WDR12: variants seen among roughly 807,000 people sequenced by gnomAD.
WDR12 encodes the protein WD repeat domain 12, also known as ribosome biogenesis protein WDR12.
Under a neutral mutation model 64.3 loss-of-function variants are expected in WDR12, and 42 were observed. That is an observed-to-expected ratio of 0.65 (90% CI 0.51 to 0.84). The LOEUF is 0.84. WDR12 is among the 40% of genes least tolerant of loss of function. The pLI is 0.00. For synonymous variants in WDR12, 158 were observed against 173.3 expected, an observed-to-expected ratio of 0.91 and a Z score of 0.70; for missense variants, 469 against 494.6, an observed-to-expected ratio of 0.95 and a Z score of 0.49.
chr2:202,905,257 T>C (rs1000927011), intron 2 of WDR12, among the ~76,000 whole-genome samples: 1 of 152,222 alleles, frequency 6.6e-6, no homozygotes, highest in Non-Finnish European at 1.5e-5. Flanking sequence ...GCAATTCTCC[T>C]GCTTCAGCCT....
At chr2:202,900,831 T>TAC (rs200925493) in intron 3 of WDR12, among the ~76,000 whole-genome samples, 194 bp downstream of exon 3, 2 of 148,548 alleles carry the variant, frequency 1.3e-5, no homozygotes, top group Non-Finnish European at 3.0e-5. Context: ...CATATATATA[T>TAC]ACACACACAC....
At chr2:202,895,470 A>G (rs1230800987) in intron 6 of WDR12, among the ~76,000 whole-genome samples, 1 of 150,788 alleles carries the variant, frequency 6.6e-6, no homozygotes, top group Non-Finnish European at 1.5e-5. Flanking sequence ...AATTACTATG[A>G]GGTAAGAAGG....
chr2:202,910,679 G>GT (rs1688579418), intron 1 of WDR12, among the ~76,000 whole-genome samples: 1 of 152,132 alleles, frequency 6.6e-6, no homozygotes. Context: ...ATGTATGTAA[G>GT]TAAGTACATA....
chr2:202,895,845 A>C (rs1489879736), intron 6 of WDR12, among the ~76,000 whole-genome samples: 1 of 151,840 alleles, frequency 6.6e-6, no homozygotes, highest in Non-Finnish European at 1.5e-5. Flanking sequence ...CTCATTTCTT[A>C]AAATTTCTGG....
intron 11 of WDR12, among the ~76,000 whole-genome samples, chr2:202,883,146 T>C (rs1453649090): frequency 6.6e-6 from 1 of 152,138 alleles, no homozygotes; most frequent in Non-Finnish European, 1.5e-5. Flanking sequence ...GAATTTCTTT[T>C]TCTTTTTGAG....
intron 5 of WDR12, among the ~76,000 whole-genome samples, 174 bp downstream of exon 5, chr2:202,897,126 A>T (rs1442331705): frequency 6.6e-6 from 1 of 152,196 alleles, no homozygotes; most frequent in African/African-American, 2.4e-5. Flanking sequence ...CTAACAATTT[A>T]TGAATTTTTT....
chr2:202,911,160 C>G (rs1490095073), intron 1 of WDR12, among the ~76,000 whole-genome samples: 1 of 152,060 alleles, frequency 6.6e-6, no homozygotes, highest in Non-Finnish European at 1.5e-5. Flanking sequence ...AAACTGTGAA[C>G]CACCACTAGC....
At chr2:202,900,034 A>G (rs554948351) in intron 3 of WDR12, among the ~76,000 whole-genome samples, 12 of 152,316 alleles carry the variant, frequency 7.9e-5, no homozygotes, top group African/African-American at 2.9e-4. Flanking sequence ...GGAAAGGAAT[A>G]TAAGAAAGCC....
chr2:202,883,032 A>G (rs1229414469), intron 11 of WDR12, among the ~76,000 whole-genome samples: 1 of 152,200 alleles, frequency 6.6e-6, no homozygotes, highest in African/African-American at 2.4e-5. Context: ...TTTATTTATA[A>G]TTAGGCCCAT....
At chr2:202,895,762 T>G (rs573009546) in intron 6 of WDR12, among the ~76,000 whole-genome samples, 75 of 149,698 alleles carry the variant, frequency 5.0e-4, no homozygotes, top group Non-Finnish European at 6.9e-4. Flanking sequence ...ACTCCTGACC[T>G]CAGGTGATCT....
chr2:202,890,770 CAAA>C (rs35649140), intron 8 of WDR12, among the ~76,000 whole-genome samples: 3 of 121,086 alleles, frequency 2.5e-5, no homozygotes, highest in Non-Finnish European at 1.8e-5. Context: ...GACTCCGTCT[CAAA>C]AAAAAAAAAA....
chr2:202,892,785 T>C, intron 7 of WDR12, 83 bp from the exon 8 acceptor site: 1 of 1,022,412 alleles, frequency 9.8e-7, no homozygotes, highest in African/African-American at 1.6e-5. Context: ...CATTTCCAGA[T>C]ATAGTTTTTC....
At position 202,897,433 on chromosome 2, in the gene WDR12, CT is replaced by C. The variant is rs1199237104; in HGVS notation, c.339-19del. On this transcript the variant is annotated intron_variant, in intron 4 of 12. Transcript: ENST00000261015. ...TCAAGATCCTATGAGAAAAAAAAAT[CT>C]TATGAAACACAAAAAGCAGTTTTTC... The C allele has an allele frequency of 1.4e-6, 2 of 1,427,568 alleles. No individual in the cohort carries two copies. The highest frequency in any genetic ancestry group is 1.9e-6 in the Non-Finnish European group (2 of 1,057,270). The allele number at this position is 1,427,568 out of a possible 1,614,324, so 88.4% of individuals were successfully genotyped here. A position where few individuals can be genotyped will look rare whatever the true frequency, so the allele number is the denominator to read the frequency against.
chr2:202,902,661 T>C (rs1274035198), intron 2 of WDR12, among the ~76,000 whole-genome samples: 1 of 152,184 alleles, frequency 6.6e-6, no homozygotes, highest in East Asian at 1.9e-4. Context: ...GATTCTCAGG[T>C]GTTTGGCCAT....
In WDR12 at chr2:202,878,796, C is replaced by T. The variant is rs377334038; in HGVS notation, c.*2064G>A. The T allele has an allele frequency of 1.2e-4, 19 of 152,238 alleles. No individual in the cohort carries two copies. The highest frequency in any genetic ancestry group is 3.9e-4 in the East Asian group (2 of 5,188). 9.4% of individuals were successfully genotyped at this position (152,238 alleles called of 1,614,324 possible). A position where few individuals can be genotyped will look rare whatever the true frequency, so the allele number is the denominator to read the frequency against. ...GACCAAACATATTTCCCAAATATTA[C>T]TAAAAGGTTGTGAATGCTCTACTTA... On this transcript the variant is annotated 3_prime_UTR_variant, in exon 13 of 13. Transcript: ENST00000261015.
Position 202,897,365 on chromosome 2 carries a change from C to T in WDR12, c.389G>A (p.Gly130Glu), listed in dbSNP as rs1414994745. Residue 130 changes from glycine (G) to glutamate (E), a missense_variant, in exon 5 of 13, where the codon GGA becomes GAA. Coordinates refer to ENST00000261015, the MANE Select transcript of WDR12 (RefSeq NM_018256.4). ...TCCCACAATTGTCATTATTGACTTTCCTTCCAAGGACCAGATCCGAGAAGT... is the reference window on the plus strand; with the variant it reads ...TCCCACAATTGTCATTATTGACTTTTCTTCCAAGGACCAGATCCGAGAAGT... ...DKTSRIWSLE[G>E]KSIMTIVGHT... The T allele has an allele frequency of 1.3e-5, 20 of 1,597,682 alleles. No individual in the cohort carries two copies. In the Admixed American group the frequency reaches 2.6e-4, roughly 21 times the overall value.
intron 2 of WDR12, among the ~76,000 whole-genome samples, chr2:202,906,670 C>CCT (rs752539847): frequency 9.2e-5 from 14 of 152,114 alleles, no homozygotes; most frequent in Non-Finnish European, 2.1e-4. Flanking sequence ...TCGAGACCAG[C>CCT]CTCGCCAAAT....
At chr2:202,887,196 C>T (rs1167668773) in intron 8 of WDR12, among the ~76,000 whole-genome samples, 1 of 151,978 alleles carries the variant, frequency 6.6e-6, no homozygotes, top group South Asian at 2.1e-4. Flanking sequence ...GCTAACTTTT[C>T]GCATTTTTAG....
intron 8 of WDR12, among the ~76,000 whole-genome samples, chr2:202,889,558 A>C (rs1343607386): frequency 6.6e-6 from 1 of 152,088 alleles, no homozygotes; most frequent in Non-Finnish European, 1.5e-5. Context: ...ATTATCAAAG[A>C]TCCAGGGCTT....
Sources: allele counts gnomAD v4.1 joint callset (sites outside exome capture counted in the v4.1 genomes callset), GRCh38; gene constraint gnomAD v4.1.1; transcripts MANE v1.5; gene names NCBI Gene and HGNC (gene_info 2026-07-23, HGNC 2026-07-21).